Variants in NRXN3 observed in about 807,000 individuals in gnomAD.
The protein encoded by NRXN3 is neurexin III.
Under a neutral mutation model 137.6 loss-of-function variants are expected in NRXN3, and 32 were observed. The ratio of observed to expected loss-of-function variants is 0.23; its 90% CI spans 0.18 to 0.31. The LOEUF (loss-of-function observed/expected upper bound fraction) is 0.31. Among genes scored for constraint, NRXN3 ranks in the 10% least tolerant of loss-of-function variants. The pLI, the probability that NRXN3 is intolerant of heterozygous loss-of-function variation, is 1.00. For missense variants in NRXN3, 1,574 were observed against 2,062.5 expected (o/e 0.76, Z 4.59); for synonymous variants, 798 against 784.5 (o/e 1.02, Z -0.29).
chr14:78,967,120 G>T, intron 12 of NRXN3, 88 bp from the exon 13 acceptor site: 1 of 1,113,170 alleles, frequency 9.0e-7, no homozygotes. Context: ...TGGGGGATTT[G>T]AAGCCCACTA....
intron 15 of NRXN3, among the ~76,000 whole-genome samples, chr14:79,392,522 T>C (rs1408260816): frequency 6.6e-6 from 1 of 152,218 alleles, no homozygotes; most frequent in East Asian, 1.9e-4. Context: ...ATGGGACTGC[T>C]GGGTCAAATG....
chr14:78,416,000 C>T lies in NRXN3; in HGVS notation c.757+118140C>T, dbSNP rs537283523. On this transcript the variant is annotated intron_variant, in intron 4 of 20. Transcript: ENST00000335750. ...TAGCAGCCTGAACTAAGACACTTGT[C>T]TTCTTAAGGTTTAGCCTGGAATTGG... Among the ~76,000 whole-genome samples, 128 of 152,258 alleles carry T rather than the reference C, an allele frequency of 8.4e-4. 2 individuals carry two copies. In the South Asian group the frequency reaches 0.011, roughly 13 times the overall value.
chr14:79,477,453 T>G (rs985784463), intron 16 of NRXN3, among the ~76,000 whole-genome samples: 1 of 152,118 alleles, frequency 6.6e-6, no homozygotes, highest in Non-Finnish European at 1.5e-5. Context: ...CTGTGAATAT[T>G]TATAACCTAT....
At chr14:78,507,148 G>A (rs560466969) in intron 4 of NRXN3, among the ~76,000 whole-genome samples, 23 of 152,260 alleles carry the variant, frequency 1.5e-4, no homozygotes, top group African/African-American at 5.5e-4. Flanking sequence ...CGGGACACTC[G>A]TTTACTGGGT....
At chr14:79,350,770 T>C (rs995699173) in intron 15 of NRXN3, among the ~76,000 whole-genome samples, 1 of 152,158 alleles carries the variant, frequency 6.6e-6, no homozygotes, top group Admixed American at 6.5e-5. Context: ...GGCACCTTTC[T>C]CTGAATCCAT....
intron 1 of NRXN3, among the ~76,000 whole-genome samples, chr14:78,228,143 G>A (rs1026049293): frequency 6.6e-6 from 1 of 150,444 alleles, no homozygotes; most frequent in Admixed American, 6.6e-5. Context: ...GGGAGAAATC[G>A]CTGAATTTTC....
At chr14:79,440,154 G>A (rs972998844) in intron 15 of NRXN3, among the ~76,000 whole-genome samples, 1 of 152,192 alleles carries the variant, frequency 6.6e-6, no homozygotes, top group African/African-American at 2.4e-5. Context: ...CCCTATGGAA[G>A]CTTATAGCCT....
At chr14:78,428,427 T>C (rs1017202535) in intron 4 of NRXN3, among the ~76,000 whole-genome samples, 1 of 152,052 alleles carries the variant, frequency 6.6e-6, no homozygotes, top group Non-Finnish European at 1.5e-5. Flanking sequence ...TAACCCCAAC[T>C]CTATCTCAAT....
chr14:78,177,726 C>T (rs2059407945), intron 1 of NRXN3: 1 of 152,142 alleles, frequency 6.6e-6, no homozygotes, highest in Non-Finnish European at 1.5e-5. Context: ...TACAGCCTTT[C>T]CCCAGCTCTA....
chr14:78,654,136 C>G (rs1191971950), intron 6 of NRXN3, among the ~76,000 whole-genome samples: 4 of 152,190 alleles, frequency 2.6e-5, no homozygotes, highest in Non-Finnish European at 4.4e-5. Context: ...TTACACTTCA[C>G]TTTTCTGTGG....
intron 4 of NRXN3, among the ~76,000 whole-genome samples, chr14:78,353,380 G>A (rs1023752250): frequency 6.6e-6 from 1 of 152,174 alleles, no homozygotes; most frequent in Non-Finnish European, 1.5e-5. Flanking sequence ...CAAGGCACCA[G>A]CAGATTCTGT....
chr14:78,979,039 G>A lies in NRXN3; in HGVS notation c.3143-8983G>A, dbSNP rs963964925. Among the ~76,000 whole-genome samples the A allele has an allele frequency of 5.3e-5, 8 of 152,004 alleles. No individual in the cohort carries two copies. In the East Asian group the frequency reaches 5.8e-4, roughly 11 times the overall value. On this transcript the variant is annotated intron_variant, in intron 14 of 20. Coordinates refer to ENST00000335750, the MANE Select transcript of NRXN3 (RefSeq NM_001330195.2). ...CTATCTCACCTCAAGCAAAGAAAGC[G>A]AATTCCTCCTTCCTCTGCCTTTTTC...
At chr14:79,115,109 T>C (rs924649782) in intron 15 of NRXN3, among the ~76,000 whole-genome samples, 2 of 152,016 alleles carry the variant, frequency 1.3e-5, no homozygotes, top group Non-Finnish European at 2.9e-5. Flanking sequence ...GCGAATCACC[T>C]GAGGTCAGGA....
At chr14:78,252,156 T>C (rs1362657092) in intron 2 of NRXN3, among the ~76,000 whole-genome samples, 2 of 150,650 alleles carry the variant, frequency 1.3e-5, no homozygotes, top group African/African-American at 2.5e-5. Flanking sequence ...AAAGTTTTTT[T>C]CTTTTTTTTT....
chr14:79,295,670 A>G (rs1345438946), intron 15 of NRXN3, among the ~76,000 whole-genome samples: 1 of 152,172 alleles, frequency 6.6e-6, no homozygotes, highest in East Asian at 1.9e-4. Flanking sequence ...GATGCTTCAC[A>G]AATATGGGCT....
chr14:79,125,934 A>G (rs889642864), intron 15 of NRXN3, among the ~76,000 whole-genome samples: 1 of 152,094 alleles, frequency 6.6e-6, no homozygotes, highest in African/African-American at 2.4e-5. Flanking sequence ...CTTTCGTTAA[A>G]AGCATGTTTT....
intron 4 of NRXN3, among the ~76,000 whole-genome samples, chr14:78,619,409 A>G (rs1188711887): frequency 6.6e-6 from 1 of 152,182 alleles, no homozygotes; most frequent in Non-Finnish European, 1.5e-5. Context: ...AGATGAGGAC[A>G]TGGGGATAGA....
intron 15 of NRXN3, among the ~76,000 whole-genome samples, chr14:79,108,158 T>A (rs2052801808): frequency 6.6e-6 from 1 of 152,166 alleles, no homozygotes; most frequent in Non-Finnish European, 1.5e-5. Context: ...CCTATGAACT[T>A]AGGAAAGTGA....
intron 8 of NRXN3, among the ~76,000 whole-genome samples, chr14:78,793,210 C>G (rs780196827): frequency 6.6e-6 from 1 of 152,006 alleles, no homozygotes; most frequent in Non-Finnish European, 1.5e-5. Context: ...TTATTTTTAA[C>G]TTGAATCTAT....
Sources: gnomAD v4.1 joint callset for allele counts (sites outside exome capture counted in the v4.1 genomes callset) on GRCh38, gnomAD v4.1.1 for gene constraint, MANE v1.5 for transcripts, NCBI Gene and HGNC (gene_info 2026-07-23, HGNC 2026-07-21) for gene names.